LCP2: variants seen among roughly 807,000 people sequenced by gnomAD.
LCP2 encodes the protein lymphocyte cytosolic protein 2.
LCP2 carries 29 observed loss-of-function variants against 74.5 expected under a neutral mutation model. The observed-to-expected ratio is 0.39, with a 90% CI of 0.29 to 0.53. The LOEUF is 0.53. Ranked by LOEUF, LCP2 falls within the 20% of genes least tolerant of loss-of-function variation. The pLI, the probability that LCP2 is intolerant of heterozygous loss-of-function variation, is 0.72. For missense variants in LCP2, 604 were observed against 634.6 expected (o/e 0.95, Z 0.52); for synonymous variants, 228 against 229.5 (o/e 0.99, Z 0.06).
intron 3 of LCP2, among the ~76,000 whole-genome samples, chr5:170,282,658 C>T (rs188022085): frequency 5.5e-4 from 84 of 152,348 alleles, no homozygotes; most frequent in African/African-American, 2.0e-3. Flanking sequence ...ATAGCCAACA[C>T]TTATTCAGTG....
At chr5:170,295,942 G>T (rs1762373670) in intron 1 of LCP2, among the ~76,000 whole-genome samples, 1 of 152,146 alleles carries the variant, frequency 6.6e-6, no homozygotes, top group Admixed American at 6.5e-5. Context: ...TACCATCCCT[G>T]ACCCGTGGTC....
At chr5:170,266,753 G>A in intron 10 of LCP2, 55 bp downstream of exon 10, 1 of 1,443,526 alleles carries the variant, frequency 6.9e-7, no homozygotes, top group South Asian at 1.1e-5. Flanking sequence ...TATGCAGGAA[G>A]CACTTTATAA....
chr5:170,262,880 A>C lies in LCP2; in HGVS notation c.799-19T>G. Reference sequence around the variant, plus strand: ...TCGAGGGCTGCAAGACAGGAGGAAAAATGTATGAGTGTCCAAGCACTTTTC... The same window carrying C: ...TCGAGGGCTGCAAGACAGGAGGAAACATGTATGAGTGTCCAAGCACTTTTC... On this transcript the variant is annotated intron_variant, in intron 11 of 20. Coordinates refer to ENST00000046794, the MANE Select transcript of LCP2 (RefSeq NM_005565.5). The C allele has an allele frequency of 6.2e-7, 1 of 1,614,048 alleles. No homozygotes were observed. Among genetic ancestry groups the C allele is most frequent in the Non-Finnish European group, 8.5e-7 (1 of 1,179,914 alleles).
At chr5:170,250,969 GGATC>G in intron 19 of LCP2, 84 bp from the exon 20 acceptor site, 1 of 1,085,566 alleles carries the variant, frequency 9.2e-7, no homozygotes, top group Non-Finnish European at 1.3e-6. Context: ...AAGCCTCTAG[GGATC>G]TGACAAACAT....
chr5:170,288,411 T>G (rs1383784400), intron 2 of LCP2, among the ~76,000 whole-genome samples: 1 of 152,182 alleles, frequency 6.6e-6, no homozygotes. Context: ...CCTCTCAGTC[T>G]CCACAAGGTC....
intron 20 of LCP2, among the ~76,000 whole-genome samples, chr5:170,249,276 G>A (rs957261844): frequency 6.6e-6 from 1 of 151,576 alleles, no homozygotes; most frequent in African/African-American, 2.4e-5. Context: ...AGTGAGCCGA[G>A]ATTGCGCCAT....
chr5:170,275,386 C>T (rs2271146), intron 4 of LCP2, 35 bp from the exon 5 acceptor site: 1 of 1,612,812 alleles, frequency 6.2e-7, no homozygotes, highest in South Asian at 1.1e-5. Context: ...TAATGGTCTT[C>T]TCGATTTAAG....
chr5:170,272,659 GAGT>G (rs1224932195), intron 6 of LCP2, among the ~76,000 whole-genome samples: 1 of 123,184 alleles, frequency 8.1e-6, no homozygotes, highest in African/African-American at 3.2e-5. Flanking sequence ...CACCAGGCTG[GAGT>G]AGTGCAATGG....
At chr5:170,271,252 C>A (rs1761893102) in intron 6 of LCP2, among the ~76,000 whole-genome samples, 1 of 152,080 alleles carries the variant, frequency 6.6e-6, no homozygotes, top group African/African-American at 2.4e-5. Flanking sequence ...ATTTTTTGCT[C>A]CAGGCATCAC....
At chr5:170,253,079 G>A (rs1561966240) in intron 18 of LCP2, 40 bp downstream of exon 18, 1 of 1,315,370 alleles carries the variant, frequency 7.6e-7, no homozygotes, top group South Asian at 1.2e-5. Flanking sequence ...TTTTACCAGG[G>A]AAAAGGCAAA....
chr5:170,254,775 A>G (rs937669029), intron 17 of LCP2, among the ~76,000 whole-genome samples: 2 of 152,220 alleles, frequency 1.3e-5, no homozygotes, highest in Non-Finnish European at 2.9e-5. Flanking sequence ...GTTACAACAG[A>G]GAAGCACATA....
At chr5:170,259,014 A>G in intron 14 of LCP2, 136 bp from the exon 15 acceptor site, 3 of 629,142 alleles carry the variant, frequency 4.8e-6, no homozygotes, top group South Asian at 3.8e-5. Context: ...CTTCATAATA[A>G]ATATACTGTG....
At chr5:170,261,275 C>T in intron 13 of LCP2, 138 bp from the exon 14 acceptor site, 1 of 670,170 alleles carries the variant, frequency 1.5e-6, no homozygotes, top group South Asian at 1.7e-5. Context: ...CAACAGACCC[C>T]CACAGAGCAG....
At chr5:170,296,409 C>T (rs1432879477) in intron 1 of LCP2, among the ~76,000 whole-genome samples, 2 of 152,140 alleles carry the variant, frequency 1.3e-5, no homozygotes, top group Non-Finnish European at 2.9e-5. Flanking sequence ...CTATAAATGC[C>T]TCGGAAATGC....
chr5:170,269,081 T>C (rs189349901), intron 7 of LCP2, among the ~76,000 whole-genome samples: 2 of 152,308 alleles, frequency 1.3e-5, no homozygotes, highest in East Asian at 3.9e-4. Context: ...TCCCTGACAC[T>C]TCCTCATTTT....
intron 3 of LCP2, among the ~76,000 whole-genome samples, chr5:170,277,658 C>T (rs1404309874): frequency 6.6e-6 from 1 of 150,454 alleles, no homozygotes; most frequent in East Asian, 2.0e-4. Flanking sequence ...GCAGGAGAAC[C>T]ACTTGAACCT....
intron 2 of LCP2, among the ~76,000 whole-genome samples, chr5:170,290,952 AAAAGAAAGAAAGAAAGAAAGAAAGAAAG>A (rs201112309): frequency 1.4e-4 from 16 of 116,956 alleles, no homozygotes; most frequent in South Asian, 2.8e-4. Flanking sequence ...AGAAAGAAAG[AAAAGAAAGAAAGAAAGAAAGAAAGAAAG>A]AAAGAAAGAA....
intron 19 of LCP2, chr5:170,251,109 T>C: frequency 2.2e-6 from 1 of 454,698 alleles, no homozygotes. Context: ...ACAGAGATTG[T>C]ATCAAAGAAA....
At chr5:170,293,504 G>A in intron 1 of LCP2, 132 bp from the exon 2 acceptor site, 3 of 787,640 alleles carry the variant, frequency 3.8e-6, no homozygotes, top group Non-Finnish European at 6.4e-6. Context: ...GCCCTCCCTT[G>A]GCTAACAGAG....
Sources: gnomAD v4.1 joint callset for allele counts (sites outside exome capture counted in the v4.1 genomes callset) on GRCh38, gnomAD v4.1.1 for gene constraint, MANE v1.5 for transcripts, NCBI Gene and HGNC (gene_info 2026-07-23, HGNC 2026-07-21) for gene names.